FARS2: variants seen among roughly 807,000 people sequenced by gnomAD.
FARS2 encodes phenylalanyl-tRNA synthetase 2, mitochondrial.
FARS2 carries 40 observed loss-of-function variants against 46.4 expected under a neutral mutation model. That is an observed-to-expected ratio of 0.86 (90% CI 0.67 to 1.12). FARS2 has a LOEUF of 1.12. FARS2 is among the 50% of genes most tolerant of loss of function. FARS2 has a pLI of 0.00. For synonymous variants in FARS2, 234 were observed against 214.9 expected (o/e 1.09, Z -0.78); for missense variants, 513 against 567.9 (o/e 0.90, Z 0.98).
At chr6:5,553,817 T>C (rs1042421595) in intron 5 of FARS2, among the ~76,000 whole-genome samples, 1 of 152,138 alleles carries the variant, frequency 6.6e-6, no homozygotes, top group Non-Finnish European at 1.5e-5. Context: ...TCTAACAGTC[T>C]CCCAGGTGAA....
intron 6 of FARS2, among the ~76,000 whole-genome samples, chr6:5,730,691 A>G (rs1760566217): frequency 6.6e-6 from 1 of 152,204 alleles, no homozygotes; most frequent in South Asian, 2.1e-4. Context: ...AGATTTTGCA[A>G]GAGTTGGCAA....
chr6:5,359,788 G>A (rs1340472597), intron 1 of FARS2, among the ~76,000 whole-genome samples: 2 of 152,226 alleles, frequency 1.3e-5, no homozygotes, highest in Admixed American at 1.3e-4. Flanking sequence ...ATCCATGGAA[G>A]CCAAGAGCAT....
At position 5,343,168 on chromosome 6, in the gene FARS2, CTGT is replaced by C. The variant is rs558484634; in HGVS notation, c.-21-25377_-21-25375del. On this transcript the variant is annotated intron_variant, in intron 1 of 6. Transcript: ENST00000274680. This position sits in a 1 kb window ranked among gnomAD's most constrained non-coding sequence, Gnocchi z 4.5. Reference sequence around the variant, plus strand: ...AGAGATGGTACTACTGCTGACAAAACTGTTGTTTATTACTGTAGACAAAACTGT... The same window carrying C: ...AGAGATGGTACTACTGCTGACAAAACTGTTTATTACTGTAGACAAAACTGT... 7.0e-4 allele frequency among the ~76,000 whole-genome samples: 106 copies of C among 152,290 alleles called. No homozygotes were observed. The highest frequency in any genetic ancestry group is 2.4e-3 in the African/African-American group (101 of 41,554).
intron 6 of FARS2, among the ~76,000 whole-genome samples, chr6:5,757,642 C>T (rs1762277343): frequency 6.6e-6 from 1 of 152,160 alleles, no homozygotes; most frequent in Non-Finnish European, 1.5e-5. Flanking sequence ...TGTTTTCTAG[C>T]CAGGATTAAG....
At chr6:5,511,218 G>T (rs1032014676) in intron 4 of FARS2, among the ~76,000 whole-genome samples, 1 of 152,110 alleles carries the variant, frequency 6.6e-6, no homozygotes, top group Non-Finnish European at 1.5e-5. Context: ...ACATGAGAAG[G>T]TATTTAAGGG....
At chr6:5,649,977 TGATCATTGG>T (rs1251251626) in intron 6 of FARS2, among the ~76,000 whole-genome samples, 1 of 152,172 alleles carries the variant, frequency 6.6e-6, no homozygotes, top group African/African-American at 2.4e-5. Flanking sequence ...ACAGGTACTT[TGATCATTGG>T]GAAAGGTTCA....
rs1051060768 is a variant in FARS2, at chr6:5,553,442, G to A, written c.1065+8102G>A. Among the ~76,000 whole-genome samples the A allele has an allele frequency of 1.2e-4, 18 of 152,264 alleles. No homozygotes were observed. In the South Asian group the frequency reaches 3.7e-3, roughly 32 times the overall value. ...GAGTTTGGGCGCTGTTATTCTTGCA[G>A]TGTTATACGTGAGAAAGTTGTAGCA... On this transcript the variant is annotated intron_variant, in intron 5 of 6. Transcript: ENST00000274680.
intron 2 of FARS2, among the ~76,000 whole-genome samples, chr6:5,390,924 T>A (rs1266897912): frequency 6.6e-6 from 1 of 152,246 alleles, no homozygotes; most frequent in Non-Finnish European, 1.5e-5. Context: ...CTGTTCACAT[T>A]GATGCAATTG....
At chr6:5,253,095 T>C in the FARS2 span, among the ~76,000 whole-genome samples, 1 of 152,236 alleles carries the variant, frequency 6.6e-6, no homozygotes, top group African/African-American at 2.4e-5. Flanking sequence ...AGGAGGCTCA[T>C]TTTGATCTGA....
At chr6:5,758,645 T>C (rs1365910496) in intron 6 of FARS2, among the ~76,000 whole-genome samples, 1 of 152,212 alleles carries the variant, frequency 6.6e-6, no homozygotes, top group African/African-American at 2.4e-5. Context: ...TCTCTCTCTT[T>C]GGAAGAATGT....
intron 4 of FARS2, among the ~76,000 whole-genome samples, chr6:5,460,366 A>G (rs1046357995): frequency 6.6e-6 from 1 of 152,036 alleles, no homozygotes; most frequent in Non-Finnish European, 1.5e-5. Context: ...CTTCCTGTGT[A>G]TTATGTTTTT....
chr6:5,523,987 TGATGAA>T lies in FARS2; in HGVS notation c.905-21192_905-21187del, dbSNP rs749601110. On this transcript the variant is annotated intron_variant, in intron 4 of 6. Transcript: ENST00000274680. ...CAAAGGGGTCATGTTTCCAAGAACA[TGATGAA>T]TTCTTAGTTTTTACCAATACAGCAT... is the stretch of plus-strand genomic sequence containing the variant. 3.8e-3 allele frequency among the ~76,000 whole-genome samples: 572 copies of T among 152,250 alleles called. 6 individuals carry two copies. The highest frequency in any genetic ancestry group is 7.1e-3 in the Admixed American group (109 of 15,286).
chr6:5,636,264 G>A (rs1776541272), intron 6 of FARS2, among the ~76,000 whole-genome samples: 2 of 152,194 alleles, frequency 1.3e-5, no homozygotes. Flanking sequence ...GTGATAGCAG[G>A]GTTGAGAAAA....
At chr6:5,662,793 C>G (rs1024345603) in intron 6 of FARS2, among the ~76,000 whole-genome samples, 2 of 152,164 alleles carry the variant, frequency 1.3e-5, no homozygotes, top group African/African-American at 4.8e-5. Flanking sequence ...AACGCTGGTC[C>G]TGCTACTTGC....
chr6:5,599,039 A>G (rs962069327), intron 5 of FARS2, among the ~76,000 whole-genome samples: 3 of 152,232 alleles, frequency 2.0e-5, no homozygotes, highest in Non-Finnish European at 4.4e-5. Context: ...CAGCATATAG[A>G]GTCCCTATCA....
intron 1 of FARS2, among the ~76,000 whole-genome samples, chr6:5,350,103 A>G (rs1173697129): frequency 6.6e-6 from 1 of 151,650 alleles, no homozygotes; most frequent in Non-Finnish European, 1.5e-5. Context: ...GGAATCAGCA[A>G]GGTTTGTTCG....
intron 2 of FARS2, among the ~76,000 whole-genome samples, chr6:5,379,714 A>G (rs1049831841): frequency 6.6e-6 from 1 of 152,182 alleles, no homozygotes; most frequent in Non-Finnish European, 1.5e-5. Flanking sequence ...TATGAAAATG[A>G]TCAAATGGGG....
chr6:5,500,187 GCCCT>G (rs1767707782), intron 4 of FARS2, among the ~76,000 whole-genome samples: 1 of 152,024 alleles, frequency 6.6e-6, no homozygotes, highest in Admixed American at 6.6e-5. Flanking sequence ...CCTCCCTCTC[GCCCT>G]CCCTCCCTCT....
intron 6 of FARS2, among the ~76,000 whole-genome samples, chr6:5,739,299 T>C (rs1308096697): frequency 1.3e-5 from 2 of 148,306 alleles, no homozygotes; most frequent in South Asian, 2.1e-4. Context: ...AGTTCAAGAC[T>C]AGCTTGGGCA....
Sources: gnomAD v4.1 joint callset for allele counts (sites outside exome capture counted in the v4.1 genomes callset) on GRCh38, gnomAD v4.1.1 for gene constraint, Gnocchi (gnomAD v3.1) non-coding constraint, MANE v1.5 for transcripts, NCBI Gene and HGNC (gene_info 2026-07-23, HGNC 2026-07-21) for gene names.